OPHN1: variants seen among roughly 807,000 people sequenced by gnomAD.
OPHN1 encodes the protein oligophrenin 1, also known as oligophrenin-1.
OPHN1 carries 11 observed loss-of-function variants against 60.7 expected under a neutral mutation model. The observed-to-expected ratio is 0.18, with a 90% confidence interval of 0.11 to 0.30. The LOEUF (loss-of-function observed/expected upper bound fraction) is 0.30, where lower values mean the gene tolerates loss of function less well. Ranked by LOEUF, OPHN1 falls within the 10% of genes least tolerant of loss-of-function variation. OPHN1 has a pLI of 1.00. For synonymous variants in OPHN1, 226 were observed against 222.6 expected (o/e 1.02, Z -0.14); for missense variants, 449 against 611.0 (o/e 0.73, Z 2.80).
At chrX:68,144,531 A>C (rs967843399) in intron 15 of OPHN1, among the ~76,000 whole-genome samples, 1 of 112,144 alleles carries the variant, frequency 8.9e-6, no homozygotes, top group African/African-American at 3.2e-5. Flanking sequence ...TTATGAAAAA[A>C]AGTAAAAAGA....
chrX:68,337,433 C>A (rs1332444510), intron 2 of OPHN1, among the ~76,000 whole-genome samples: 3 of 112,055 alleles, frequency 2.7e-5, no homozygotes, highest in South Asian at 3.6e-4. Context: ...TTTTAAACCA[C>A]AATGGCAGAT....
At chrX:68,265,176 G>C (rs902474075) in intron 5 of OPHN1, among the ~76,000 whole-genome samples, 1 of 112,100 alleles carries the variant, frequency 8.9e-6, no homozygotes, top group African/African-American at 3.2e-5. Flanking sequence ...GCTTTGAAGA[G>C]ACTAGCAGTT....
chrX:68,266,416 T>A (rs1221537807), intron 5 of OPHN1, among the ~76,000 whole-genome samples: 1 of 111,140 alleles, frequency 9.0e-6, no homozygotes, highest in African/African-American at 3.3e-5. Flanking sequence ...GAATTTCATA[T>A]CCAGCCAAAC....
chrX:68,401,358 C>T (rs370719954), intron 2 of OPHN1, among the ~76,000 whole-genome samples: 1 of 111,709 alleles, frequency 9.0e-6, no homozygotes, highest in African/African-American at 3.3e-5. Flanking sequence ...GCATTTGGCC[C>T]GCTCTAGAAA....
chrX:68,211,244 T>C (rs2077583201), intron 8 of OPHN1, among the ~76,000 whole-genome samples: 1 of 111,776 alleles, frequency 8.9e-6, no homozygotes, highest in African/African-American at 3.2e-5. Context: ...CCAGCATTTT[T>C]CATCTAAAAC....
At chrX:68,187,772 T>A (rs7064204) in intron 15 of OPHN1, among the ~76,000 whole-genome samples, 1 of 109,094 alleles carries the variant, frequency 9.2e-6, no homozygotes, top group East Asian at 2.9e-4. Context: ...GGACTACAGG[T>A]GCCCGCCACC....
chrX:68,205,773 T>G (rs1325430246), intron 10 of OPHN1, among the ~76,000 whole-genome samples: 1 of 112,074 alleles, frequency 8.9e-6, no homozygotes, highest in Non-Finnish European at 1.9e-5. Context: ...CTTTCAGTGC[T>G]AACAAATAAC....
chrX:68,080,609 G>A (rs1471673392), intron 19 of OPHN1, among the ~76,000 whole-genome samples: 2 of 112,208 alleles, frequency 1.8e-5, no homozygotes, highest in Admixed American at 9.4e-5. Flanking sequence ...GAAGCTGTCT[G>A]TATTACATTC....
intron 2 of OPHN1, among the ~76,000 whole-genome samples, chrX:68,342,317 T>A (rs982533884): frequency 6.3e-5 from 7 of 111,580 alleles, no homozygotes; most frequent in Non-Finnish European, 1.3e-4. Context: ...GATTGTGGTA[T>A]GGTTTCTCTA....
At chrX:68,048,366 G>T in intron 24 of OPHN1, 50 bp downstream of exon 24, 1 of 1,094,558 alleles carries the variant, frequency 9.1e-7, no homozygotes, top group Non-Finnish European at 1.3e-6. Context: ...ATCCCGTAAT[G>T]AAGGCTTATG....
Position 68,119,235 on chromosome X carries a change from A to C in OPHN1, c.1361+13T>G. On this transcript the variant is annotated intron_variant, in intron 16 of 24. Coordinates refer to ENST00000355520, the MANE Select transcript of OPHN1 (RefSeq NM_002547.3). Reference sequence around the variant, plus strand: ...GCTATGAAAAGCAAACTCCCAATTCAAATCAGGCATACCTGAGGTAGAATT... The same window carrying C: ...GCTATGAAAAGCAAACTCCCAATTCCAATCAGGCATACCTGAGGTAGAATT... 1 of 1,168,783 alleles carries C rather than the reference A, an allele frequency of 8.6e-7. No individual in the cohort carries two copies. Among genetic ancestry groups the C allele is most frequent in the South Asian group, 1.8e-5 (1 of 55,927 alleles).
At chrX:68,154,492 T>C (rs1225572613) in intron 15 of OPHN1, among the ~76,000 whole-genome samples, 1 of 112,571 alleles carries the variant, frequency 8.9e-6, no homozygotes, top group Admixed American at 9.4e-5. Context: ...CTCATCTCTC[T>C]TGGAATAATT....
chrX:68,082,636 T>C (rs772681197), intron 19 of OPHN1, among the ~76,000 whole-genome samples: 1 of 112,497 alleles, frequency 8.9e-6, no homozygotes, highest in Non-Finnish European at 1.9e-5. Context: ...TAAAACATTC[T>C]GTAGACAGAT....
intron 15 of OPHN1, among the ~76,000 whole-genome samples, chrX:68,135,473 T>C (rs2077215565): frequency 9.0e-6 from 1 of 111,538 alleles, no homozygotes; most frequent in Non-Finnish European, 1.9e-5. Context: ...GGAAGGACCT[T>C]TGCTTTTACT....
chrX:68,194,661 C>A (rs2077502937), intron 12 of OPHN1, among the ~76,000 whole-genome samples, 163 bp from the exon 13 acceptor site: 1 of 111,540 alleles, frequency 9.0e-6, no homozygotes, highest in African/African-American at 3.3e-5. Context: ...ATTGCTTTGC[C>A]AAGATTGCTA....
intron 5 of OPHN1, among the ~76,000 whole-genome samples, chrX:68,266,699 G>C (rs1569263422): frequency 9.0e-6 from 1 of 111,408 alleles, no homozygotes; most frequent in Non-Finnish European, 1.9e-5. Context: ...AATGTGAATG[G>C]GCTAAATGCT....
chrX:68,085,780 A>C (rs1003024057), intron 19 of OPHN1, among the ~76,000 whole-genome samples: 10 of 112,090 alleles, frequency 8.9e-5, no homozygotes, highest in African/African-American at 2.9e-4. Context: ...CAAGAAAAGA[A>C]ACCTAGCAAG....
chrX:68,184,692 G>T (rs1360857247), intron 15 of OPHN1, among the ~76,000 whole-genome samples: 1 of 110,021 alleles, frequency 9.1e-6, no homozygotes, highest in African/African-American at 3.3e-5. Flanking sequence ...CGCCTCCCAG[G>T]TTCAAGCGAT....
In OPHN1 at chrX:68,433,395, G is replaced by T; in HGVS notation, c.-232C>A. 1 of 279,169 alleles carries T rather than the reference G, an allele frequency of 3.6e-6. No individual in the cohort carries two copies. The highest frequency in any genetic ancestry group is 6.3e-6 in the Non-Finnish European group (1 of 158,752). The allele number at this position is 279,169 out of a possible 1,213,427, so 23.0% of individuals were successfully genotyped here. A position where few individuals can be genotyped will look rare whatever the true frequency, so the allele number is the denominator to read the frequency against. On this transcript the variant is annotated 5_prime_UTR_variant, in exon 1 of 25. Coordinates refer to ENST00000355520, the MANE Select transcript of OPHN1 (RefSeq NM_002547.3). ...GGATCCTTCCTGAGCAATTGCAAAC[G>T]TGACACTTGGGCCCGCCCAAGGTGT...
Sources: gnomAD v4.1 joint callset for allele counts (sites outside exome capture counted in the v4.1 genomes callset) on GRCh38, gnomAD v4.1.1 for gene constraint, MANE v1.5 for transcripts, NCBI Gene and HGNC (gene_info 2026-07-23, HGNC 2026-07-21) for gene names.